The following CSMD1 variants were observed in gnomAD, a reference collection of about 807,000 sequenced individuals.
CSMD1 encodes CUB and Sushi multiple domains 1.
CSMD1 carries 213 observed loss-of-function variants against 417.5 expected under a neutral mutation model. That is an observed-to-expected ratio of 0.51 (90% CI 0.46 to 0.57). The LOEUF is 0.57. Ranked by LOEUF, CSMD1 falls within the 20% of genes least tolerant of loss-of-function variation. The pLI, the probability that CSMD1 is intolerant of heterozygous loss-of-function variation, is 0.00. For synonymous variants in CSMD1, 2,862 were observed against 1,736.8 expected (o/e 1.65, Z -16.11); for missense variants, 6,923 against 4,529.7 (o/e 1.53, Z -15.17).
intron 41 of CSMD1, chr8:3,127,333 ACTCAAAGTCG>A (rs1817562905): frequency 6.6e-6 from 1 of 152,150 alleles, no homozygotes; most frequent in Non-Finnish European, 1.5e-5. Flanking sequence ...TCCCCTAATT[ACTCAAAGTCG>A]CTCAGAATCC....
intron 21 of CSMD1, among the ~76,000 whole-genome samples, chr8:3,349,881 AT>A (rs1808284740): frequency 6.9e-5 from 1 of 14,520 alleles, no homozygotes; most frequent in Middle Eastern, 0.25. Flanking sequence ...ATTTATATCT[AT>A]ATATATATTT....
intron 1 of CSMD1, among the ~76,000 whole-genome samples, chr8:4,906,082 G>A (rs1585302423): frequency 6.6e-6 from 1 of 152,096 alleles, no homozygotes; most frequent in South Asian, 2.1e-4. Context: ...CACCTCTGGA[G>A]CTGACCAATA....
intron 10 of CSMD1, among the ~76,000 whole-genome samples, chr8:3,544,112 G>C (rs568016057): frequency 2.0e-5 from 3 of 152,144 alleles, no homozygotes; most frequent in South Asian, 2.1e-4. Context: ...CTTGAGTGAG[G>C]GCTTGGTAAA....
At chr8:3,282,581 G>C (rs1399640998) in intron 26 of CSMD1, among the ~76,000 whole-genome samples, 1 of 151,988 alleles carries the variant, frequency 6.6e-6, no homozygotes, top group Non-Finnish European at 1.5e-5. Context: ...TTGGAGTAAA[G>C]GACTTTTTTT....
chr8:3,514,998 T>A (rs1314343907), intron 10 of CSMD1, among the ~76,000 whole-genome samples: 6 of 152,224 alleles, frequency 3.9e-5, no homozygotes, highest in Non-Finnish European at 8.8e-5. Flanking sequence ...CATTTTATAC[T>A]GAAATTAAAG....
intron 33 of CSMD1, among the ~76,000 whole-genome samples, chr8:3,195,691 G>T (rs888232671): frequency 6.6e-6 from 1 of 152,270 alleles, no homozygotes; most frequent in Non-Finnish European, 1.5e-5. Context: ...GAAGCTACAG[G>T]AGTCTCCTCC....
chr8:3,024,499 G>C (rs952024459), intron 51 of CSMD1, among the ~76,000 whole-genome samples: 1 of 152,058 alleles, frequency 6.6e-6, no homozygotes, highest in Non-Finnish European at 1.5e-5. Context: ...TAGAGACAGG[G>C]TTTCACCATG....
chr8:4,320,094 C>CA (rs1309201551), intron 3 of CSMD1, among the ~76,000 whole-genome samples: 1 of 151,988 alleles, frequency 6.6e-6, no homozygotes, highest in Non-Finnish European at 1.5e-5. Flanking sequence ...ATTACATGTT[C>CA]AAAAAAATCC....
intron 49 of CSMD1, among the ~76,000 whole-genome samples, chr8:3,060,325 T>C (rs1016142054): frequency 6.6e-6 from 1 of 152,008 alleles, no homozygotes; most frequent in Admixed American, 6.6e-5. Context: ...TTTGTATTTT[T>C]AGTACAGACA....
chr8:4,471,030 T>C (rs2130048979), intron 2 of CSMD1, among the ~76,000 whole-genome samples: 1 of 152,316 alleles, frequency 6.6e-6, no homozygotes, highest in South Asian at 2.1e-4. Context: ...TGAAATATCT[T>C]TTGAACTTGC....
At chr8:4,174,630 A>C (rs190332067) in intron 3 of CSMD1, among the ~76,000 whole-genome samples, 20 of 147,292 alleles carry the variant, frequency 1.4e-4, no homozygotes, top group African/African-American at 4.8e-4. Flanking sequence ...AACAAACTCT[A>C]AGACCTGGGA....
chr8:3,549,556 G>C (rs1563143675), intron 10 of CSMD1, among the ~76,000 whole-genome samples: 2 of 152,324 alleles, frequency 1.3e-5, no homozygotes, highest in East Asian at 1.9e-4. Context: ...TGGATGAATG[G>C]ATTAATGCAT....
intron 1 of CSMD1, among the ~76,000 whole-genome samples, chr8:4,854,424 T>C (rs1160227890): frequency 2.0e-5 from 3 of 152,118 alleles, no homozygotes; most frequent in African/African-American, 4.8e-5. Flanking sequence ...GATGGCCGAA[T>C]AGGAACAGCT....
At chr8:3,190,545 A>G (rs1796353853) in intron 33 of CSMD1, among the ~76,000 whole-genome samples, 1 of 152,194 alleles carries the variant, frequency 6.6e-6, no homozygotes, top group Non-Finnish European at 1.5e-5. Context: ...TAATGAGAAA[A>G]GCTACCATAT....
At chr8:3,252,523 C>CT (rs1025912883) in intron 26 of CSMD1, among the ~76,000 whole-genome samples, 5 of 152,226 alleles carry the variant, frequency 3.3e-5, no homozygotes, top group East Asian at 1.9e-4. Flanking sequence ...CTAAAATTCT[C>CT]TTTTTTTGTT....
chr8:4,804,185 A>C (rs1008061845), intron 1 of CSMD1, among the ~76,000 whole-genome samples: 1 of 152,138 alleles, frequency 6.6e-6, no homozygotes, highest in South Asian at 2.1e-4. Context: ...CAAATAATGA[A>C]TTAATTTTCA....
chr8:4,987,500 T>C (rs997061608), intron 1 of CSMD1, among the ~76,000 whole-genome samples: 3 of 152,214 alleles, frequency 2.0e-5, no homozygotes, highest in African/African-American at 7.2e-5. Flanking sequence ...ATCTCTATCA[T>C]ATCCACATCA....
At chr8:4,987,830 T>C (rs1457131991) in intron 1 of CSMD1, among the ~76,000 whole-genome samples, 1 of 152,212 alleles carries the variant, frequency 6.6e-6, no homozygotes, top group East Asian at 1.9e-4. Context: ...ATCTTTCTCC[T>C]GTGCTGGATG....
chr8:4,643,131 A>C (rs1001284983), intron 1 of CSMD1, among the ~76,000 whole-genome samples: 1 of 152,248 alleles, frequency 6.6e-6, no homozygotes, highest in Non-Finnish European at 1.5e-5. Context: ...AGTATGTCTC[A>C]TTGGAGATAA....
Sources: gnomAD v4.1 joint callset for allele counts (sites outside exome capture counted in the v4.1 genomes callset) on GRCh38, gnomAD v4.1.1 for gene constraint, MANE v1.5 for transcripts, NCBI Gene and HGNC (gene_info 2026-07-23, HGNC 2026-07-21) for gene names.